DNAH11: variants seen among roughly 807,000 people sequenced by gnomAD.
The protein encoded by DNAH11 is dynein axonemal heavy chain 11, also known as axonemal beta dynein heavy chain 11.
In DNAH11, 442 loss-of-function variants were observed where a neutral mutation model predicts 526.0. The observed-to-expected ratio is 0.84, with a 90% confidence interval of 0.78 to 0.91. The LOEUF (loss-of-function observed/expected upper bound fraction) is 0.91, where lower values mean the gene tolerates loss of function less well. Among genes scored for constraint, DNAH11 ranks in the 40% least tolerant of loss-of-function variants. DNAH11 has a pLI of 0.00. For synonymous variants in DNAH11, 2,461 were observed against 1,935.9 expected (o/e 1.27, Z -7.12); for missense variants, 6,989 against 5,448.7 (o/e 1.28, Z -8.90).
At chr7:21,553,548 C>A (rs7787079) in intron 2 of DNAH11, among the ~76,000 whole-genome samples, 20 of 152,164 alleles carry the variant, frequency 1.3e-4, no homozygotes, top group African/African-American at 4.8e-4. Flanking sequence ...GTGGGTGGGA[C>A]CTACTCAGAA....
intron 35 of DNAH11, among the ~76,000 whole-genome samples, chr7:21,694,325 T>G (rs1648195942): frequency 6.6e-6 from 1 of 152,064 alleles, no homozygotes; most frequent in Non-Finnish European, 1.5e-5. Context: ...CATTAGGTAT[T>G]TGTCCTAATG....
intron 8 of DNAH11, among the ~76,000 whole-genome samples, chr7:21,578,644 T>A (rs1784193027): frequency 6.6e-6 from 1 of 152,224 alleles, no homozygotes; most frequent in Admixed American, 6.5e-5. Context: ...AACCCCACAC[T>A]GCCCTAGCAG....
chr7:21,665,418 G>A (rs993326150), intron 30 of DNAH11, among the ~76,000 whole-genome samples: 1 of 151,996 alleles, frequency 6.6e-6, no homozygotes, highest in Non-Finnish European at 1.5e-5. Context: ...ATTTATTCAG[G>A]ATAAATTTCC....
chr7:21,638,933 A>G lies in DNAH11; in HGVS notation c.4818-6A>G, dbSNP rs764444413. 6.3e-6 allele frequency: 10 copies of G among 1,599,846 alleles called. No homozygotes were observed. Among genetic ancestry groups the G allele is most frequent in the Non-Finnish European group, 8.5e-6 (10 of 1,175,626 alleles). On this transcript the variant is annotated splice_polypyrimidine_tract_variant and splice_region_variant and intron_variant, in intron 27 of 81. Transcript: ENST00000409508. ...ATATGCTTAAAAACATTTTTCATTC[A>G]TGTAGGCTTTCTCTTTGTGAAAAAG...
At position 21,592,652 on chromosome 7, in the gene DNAH11, A is replaced by G. The variant is rs111344484; in HGVS notation, c.2667+1075A>G. ...TTGGCAGGGAGACTCTTCAGAGCCTATGCTAATAATCCAGGTGAGAAATGA... is the reference window on the plus strand; with the variant it reads ...TTGGCAGGGAGACTCTTCAGAGCCTGTGCTAATAATCCAGGTGAGAAATGA... On this transcript the variant is annotated intron_variant, in intron 14 of 81. Coordinates refer to ENST00000409508, the MANE Select transcript of DNAH11 (RefSeq NM_001277115.2). Among the ~76,000 whole-genome samples, 856 of 152,338 alleles carry G rather than the reference A, an allele frequency of 5.6e-3. 16 individuals carry two copies. Among genetic ancestry groups the G allele is most frequent in the African/African-American group, 0.019 (807 of 41,584 alleles).
At position 21,867,917 on chromosome 7, in the gene DNAH11, G is replaced by C. The variant is rs1032852131; in HGVS notation, c.11749G>C (p.Val3917Leu). The C allele has an allele frequency of 1.9e-6, 3 of 1,580,932 alleles. No individual in the cohort carries two copies. The African/African-American group carries it at 4.0e-5, about 21-fold the overall frequency. ...KYVERTRLDL[V>L]KAFEESSPAT... is the part of the protein sequence containing the mutation. ...TGTGGAGAGGACCAGATTGGACTTAGTTAAAGCATTCGAAGAAAGCAGCCC... is the reference window on the plus strand; with the variant it reads ...TGTGGAGAGGACCAGATTGGACTTACTTAAAGCATTCGAAGAAAGCAGCCC... Residue 3917 changes from valine to leucine, a missense_variant, in exon 72 of 82, where the codon GTT becomes CTT. Physicochemically the swap from Val to Leu is conservative, Grantham distance 32. Transcript: ENST00000409508.
At chr7:21,578,350 T>C (rs2128439699) in intron 8 of DNAH11, among the ~76,000 whole-genome samples, 1 of 152,336 alleles carries the variant, frequency 6.6e-6, no homozygotes, top group Middle Eastern at 3.4e-3. Context: ...TCATTACATC[T>C]TAAAGCTCCA....
At chr7:21,718,063 C>G in intron 43 of DNAH11, 138 bp downstream of exon 43, 1 of 1,192,518 alleles carries the variant, frequency 8.4e-7, no homozygotes, top group Non-Finnish European at 1.1e-6. Flanking sequence ...CCCTCTTGCC[C>G]CCGCCCCCGT....
rs57139576 is a variant in DNAH11 at position 21,705,700 on chromosome 7, A to G, written c.6546+163A>G. ...GAATCTTGCTGCTTGATCAATTGAC[A>G]TTCTTTTCCTTTATATTGGGTCAGC... On this transcript the variant is annotated intron_variant, in intron 39 of 81. Transcript: ENST00000409508. Among the ~76,000 whole-genome samples the G allele has an allele frequency of 0.024, 3,676 of 152,240 alleles. 95 individuals carry two copies. Among genetic ancestry groups the G allele is most frequent in the East Asian group, 0.15 (788 of 5,166 alleles).
At position 21,735,784 on chromosome 7, in the gene DNAH11, G is replaced by C; in HGVS notation, c.7585G>C (p.Glu2529Gln). 3 of 1,613,966 alleles carry C rather than the reference G, an allele frequency of 1.9e-6. No homozygotes were observed. The highest frequency in any genetic ancestry group is 2.5e-6 in the Non-Finnish European group (3 of 1,179,878). ...AGGTGACACATTGGCAAGTCTCTCT[G>C]AGGATTACATAGTATCCCGTGTGCC... is the stretch of plus-strand genomic sequence containing the variant. ...FVGDTLASLS[E>Q]DYIVSRVPFN... The change falls in exon 46 of 82, where the codon GAG (glutamate) becomes CAG (glutamine). Residue 2529 changes from glutamate (E) to glutamine (Q), a missense_variant. By Grantham distance (29) the Glu-to-Gln change is conservative. Coordinates refer to ENST00000409508, the MANE Select transcript of DNAH11 (RefSeq NM_001277115.2).
rs745751395 is a variant in DNAH11 at position 21,588,048 on chromosome 7, A to C, written c.1711-16A>C. ...ACTCATAGTGCTTAATGTTGCCTTC[A>C]CTTTGATTTTTATAGCTTTTGACCA... On this transcript the variant is annotated splice_polypyrimidine_tract_variant and intron_variant, in intron 9 of 81. Coordinates refer to ENST00000409508, the MANE Select transcript of DNAH11 (RefSeq NM_001277115.2). 3 of 1,611,780 alleles carry C rather than the reference A, an allele frequency of 1.9e-6. No homozygotes were observed. Among genetic ancestry groups the C allele is most frequent in the African/African-American group, 2.7e-5 (2 of 74,882 alleles).
Position 21,655,915 on chromosome 7 carries a change from A to G in DNAH11, c.5028A>G (p.Ala1676=), listed in dbSNP as rs75552110. The G allele has an allele frequency of 5.8e-4, 928 of 1,613,378 alleles. 5 individuals are homozygous for G. In the African/African-American group the frequency reaches 0.011, roughly 20 times the overall value. ...ATCAGGATGTTTCTGCACACAGGGC[A>G]GTTGGAATGTACAGCAAAGAAAAGG... is the stretch of plus-strand genomic sequence containing the variant. The part of the protein sequence containing the change: ...EDNQDVSAHR[A]VGMYSKEKEY... Residue 1676 remains alanine, a synonymous_variant, in exon 29 of 82, where the codon GCA becomes GCG. Coordinates refer to ENST00000409508, the MANE Select transcript of DNAH11 (RefSeq NM_001277115.2).
At chr7:21,644,770 T>C (rs1253884588) in intron 28 of DNAH11, among the ~76,000 whole-genome samples, 1 of 152,232 alleles carries the variant, frequency 6.6e-6, no homozygotes, top group African/African-American at 2.4e-5. Context: ...GCATGACTTA[T>C]GAATATGTAA....
At chr7:21,622,793 C>G (rs1031702198) in intron 25 of DNAH11, among the ~76,000 whole-genome samples, 1 of 152,168 alleles carries the variant, frequency 6.6e-6, no homozygotes, top group African/African-American at 2.4e-5. Flanking sequence ...GGATCCCTTC[C>G]TTACACCTTA....
At chr7:21,618,718 T>A (rs995111454) in intron 23 of DNAH11, among the ~76,000 whole-genome samples, 2 of 152,186 alleles carry the variant, frequency 1.3e-5, no homozygotes, top group African/African-American at 4.8e-5. Context: ...TAGGGTTCTT[T>A]AGGAAGAAAA....
intron 8 of DNAH11, among the ~76,000 whole-genome samples, chr7:21,581,383 G>C (rs1784301927): frequency 6.6e-6 from 1 of 152,138 alleles, no homozygotes; most frequent in African/African-American, 2.4e-5. Flanking sequence ...TGTTTCCTCT[G>C]TATCACTAAT....
intron 6 of DNAH11, 77 bp downstream of exon 6, chr7:21,564,474 C>T (rs1375169279): frequency 1.9e-6 from 2 of 1,054,140 alleles, no homozygotes; most frequent in Non-Finnish European, 2.8e-6. Flanking sequence ...GAAGAATAAT[C>T]TAGTATACAG....
intron 25 of DNAH11, among the ~76,000 whole-genome samples, chr7:21,633,098 C>T (rs1412458157): frequency 6.6e-6 from 1 of 152,194 alleles, no homozygotes; most frequent in Non-Finnish European, 1.5e-5. Context: ...GAGACTTATT[C>T]ACAATCATGA....
intron 56 of DNAH11, among the ~76,000 whole-genome samples, chr7:21,775,510 T>G (rs1368090730): frequency 1.3e-5 from 2 of 151,962 alleles, no homozygotes; most frequent in Non-Finnish European, 2.9e-5. Context: ...CCCAGCCACT[T>G]GAAAGGCTGA....
Sources: allele counts gnomAD v4.1 joint callset (sites outside exome capture counted in the v4.1 genomes callset), GRCh38; gene constraint gnomAD v4.1.1; transcripts MANE v1.5; gene names NCBI Gene and HGNC (gene_info 2026-07-23, HGNC 2026-07-21).